The following GUCY2F variants were observed in gnomAD, a reference collection of about 807,000 sequenced individuals.
GUCY2F encodes guanylate cyclase 2F, retinal.
Under a neutral mutation model 73.1 loss-of-function variants are expected in GUCY2F, and 61 were observed. The ratio of observed to expected loss-of-function variants is 0.83; its 90% CI spans 0.68 to 1.03. GUCY2F has a LOEUF of 1.03. Ranked by LOEUF, GUCY2F falls within the 50% of genes least tolerant of loss-of-function variation. The pLI is 0.00. For synonymous variants in GUCY2F, 331 were observed against 307.8 expected (o/e 1.08, Z -0.79); for missense variants, 912 against 854.3 (o/e 1.07, Z -0.84).
chrX:109,379,496 A>G (rs1298100317), intron 17 of GUCY2F, among the ~76,000 whole-genome samples: 1 of 112,509 alleles, frequency 8.9e-6, no homozygotes, highest in Non-Finnish European at 1.9e-5. Context: ...TAAAGTACAC[A>G]ATTATTAATT....
intron 6 of GUCY2F, among the ~76,000 whole-genome samples, chrX:109,442,503 G>T (rs1931897870): frequency 9.0e-6 from 1 of 111,444 alleles, no homozygotes; most frequent in Admixed American, 9.6e-5. Flanking sequence ...ACTACATTAT[G>T]CTTTATTTTA....
intron 2 of GUCY2F, among the ~76,000 whole-genome samples, chrX:109,472,673 G>T (rs1021517920): frequency 2.7e-5 from 3 of 112,065 alleles, no homozygotes; most frequent in Non-Finnish European, 3.8e-5. Context: ...GTACTCACTG[G>T]CTTCTGGCTT....
chrX:109,456,509 A>G (rs1372768069), intron 3 of GUCY2F, among the ~76,000 whole-genome samples: 1 of 111,241 alleles, frequency 9.0e-6, no homozygotes, highest in Admixed American at 9.5e-5. Flanking sequence ...CTCTGAGTTG[A>G]TCCAACACAC....
intron 7 of GUCY2F, among the ~76,000 whole-genome samples, chrX:109,434,744 G>A (rs1214013927): frequency 9.0e-6 from 1 of 110,551 alleles, no homozygotes; most frequent in Non-Finnish European, 1.9e-5. Context: ...TTCTTCTAGG[G>A]TTTTTATGGT....
At position 109,425,768 on chromosome X, in the gene GUCY2F, C is replaced by A. The variant is rs190414957; in HGVS notation, c.1791+4539G>T. On this transcript the variant is annotated intron_variant, in intron 8 of 19. Coordinates refer to ENST00000218006, the MANE Select transcript of GUCY2F (RefSeq NM_001522.3). ...CCACTAAAGAACTTATTCATGTAAC[C>A]AAATACTACCTGTTCCCCCCAAAAA... is the stretch of plus-strand genomic sequence containing the variant. 7.8e-4 allele frequency among the ~76,000 whole-genome samples: 86 copies of A among 110,462 alleles called. 1 individual carries two copies. Among genetic ancestry groups the A allele is most frequent in the African/African-American group, 2.7e-3 (82 of 30,374 alleles).
At chrX:109,428,600 G>A (rs1931540605) in intron 8 of GUCY2F, among the ~76,000 whole-genome samples, 1 of 111,933 alleles carries the variant, frequency 8.9e-6, no homozygotes, top group South Asian at 3.7e-4. Context: ...GGGAATATTA[G>A]CTGTATTGTA....
At chrX:109,390,669 C>T (rs1477260747) in intron 14 of GUCY2F, among the ~76,000 whole-genome samples, 1 of 112,575 alleles carries the variant, frequency 8.9e-6, no homozygotes, top group Non-Finnish European at 1.9e-5. Context: ...TTACAGCCCA[C>T]GCTGAATCAT....
intron 14 of GUCY2F, among the ~76,000 whole-genome samples, chrX:109,389,848 G>A (rs1207899785): frequency 9.0e-6 from 1 of 111,216 alleles, no homozygotes. Flanking sequence ...AGAGAAAGAA[G>A]TTTAGCAATC....
intron 2 of GUCY2F, among the ~76,000 whole-genome samples, chrX:109,467,441 A>G (rs990013417): frequency 1.8e-5 from 2 of 112,695 alleles, no homozygotes; most frequent in Non-Finnish European, 3.7e-5. Flanking sequence ...CAACAGTGAT[A>G]CAATTTGATT....
At chrX:109,415,645 G>T (rs1931221725) in intron 8 of GUCY2F, among the ~76,000 whole-genome samples, 1 of 111,861 alleles carries the variant, frequency 8.9e-6, no homozygotes, top group African/African-American at 3.2e-5. Context: ...CTTTTGGAAG[G>T]ATATGCCTGA....
chrX:109,447,983 T>C (rs1237621568), intron 6 of GUCY2F, 86 bp downstream of exon 6: 13 of 495,145 alleles, frequency 2.6e-5, no homozygotes, highest in Non-Finnish European at 3.6e-6. Flanking sequence ...CAATTCAGAC[T>C]AGCCACACGT....
At chrX:109,467,624 C>T (rs1055365709) in intron 2 of GUCY2F, among the ~76,000 whole-genome samples, 1 of 112,314 alleles carries the variant, frequency 8.9e-6, no homozygotes, top group African/African-American at 3.2e-5. Flanking sequence ...ACTCATTCCA[C>T]CAGCTGCTGG....
chrX:109,447,667 C>T (rs1185455077), intron 6 of GUCY2F, among the ~76,000 whole-genome samples: 1 of 105,734 alleles, frequency 9.5e-6, no homozygotes, highest in South Asian at 4.6e-4. Flanking sequence ...GGAGATATAC[C>T]TAATGTAAAT....
At chrX:109,447,038 C>G (rs1288154633) in intron 6 of GUCY2F, among the ~76,000 whole-genome samples, 1 of 112,433 alleles carries the variant, frequency 8.9e-6, no homozygotes, top group African/African-American at 3.2e-5. Context: ...CTCATCATCA[C>G]TAGCCATCAA....
intron 8 of GUCY2F, among the ~76,000 whole-genome samples, chrX:109,410,414 A>G (rs1220357778): frequency 8.9e-6 from 1 of 112,506 alleles, no homozygotes; most frequent in Non-Finnish European, 1.9e-5. Context: ...ATCTATTAAA[A>G]TAGCTTCCCT....
At chrX:109,447,965 G>A (rs1327637292) in intron 6 of GUCY2F, 104 bp downstream of exon 6, 2 of 426,409 alleles carry the variant, frequency 4.7e-6, no homozygotes, top group East Asian at 3.8e-5. Flanking sequence ...TACTCTTATA[G>A]CACATCACAA....
At chrX:109,481,401 A>T (rs1366718817) in intron 1 of GUCY2F, among the ~76,000 whole-genome samples, 1 of 111,793 alleles carries the variant, frequency 8.9e-6, no homozygotes, top group Non-Finnish European at 1.9e-5. Flanking sequence ...CATTTCAGGT[A>T]GTTTTTACAA....
intron 8 of GUCY2F, among the ~76,000 whole-genome samples, chrX:109,422,421 G>A (rs1276236238): frequency 9.0e-6 from 1 of 111,479 alleles, no homozygotes; most frequent in African/African-American, 3.2e-5. Context: ...GTTGTTTAAT[G>A]GGTACAGAAA....
intron 17 of GUCY2F, among the ~76,000 whole-genome samples, chrX:109,379,294 T>C (rs1930246105): frequency 8.9e-6 from 1 of 112,000 alleles, no homozygotes; most frequent in African/African-American, 3.2e-5. Context: ...GTGTGATTTT[T>C]TCAGCTCTAT....
Sources: allele counts gnomAD v4.1 joint callset (sites outside exome capture counted in the v4.1 genomes callset), GRCh38; gene constraint gnomAD v4.1.1; transcripts MANE v1.5; gene names NCBI Gene and HGNC (gene_info 2026-07-23, HGNC 2026-07-21).